PDZRN3: variants seen among roughly 807,000 people sequenced by gnomAD.
PDZRN3 encodes the protein PDZ domain containing ring finger 3.
In PDZRN3, 38 loss-of-function variants were observed where a neutral mutation model predicts 85.7. The observed-to-expected ratio is 0.44, with a 90% confidence interval of 0.34 to 0.58. PDZRN3 has a LOEUF of 0.58. Among genes scored for constraint, PDZRN3 ranks in the 20% least tolerant of loss-of-function variants. PDZRN3 has a pLI of 0.01. For synonymous variants in PDZRN3, 759 were observed against 638.0 expected (o/e 1.19, Z -2.86); for missense variants, 1,629 against 1,506.4 (o/e 1.08, Z -1.35).
At chr3:73,416,869 TTTTTTGG>T (rs1702093567) in intron 3 of PDZRN3, among the ~76,000 whole-genome samples, 1 of 73,188 alleles carries the variant, frequency 1.4e-5, no homozygotes, top group African/African-American at 5.3e-5. Context: ...TTGTTTGTTT[TTTTTTGG>T]TTTTTTTTTT....
chr3:73,559,543 C>T (rs1701773445), intron 3 of PDZRN3, among the ~76,000 whole-genome samples: 1 of 152,156 alleles, frequency 6.6e-6, no homozygotes, highest in African/African-American at 2.4e-5. Flanking sequence ...TGCTAATCTC[C>T]CTCTTGCACA....
At chr3:73,422,428 C>G (rs937620085) in intron 3 of PDZRN3, among the ~76,000 whole-genome samples, 1 of 152,142 alleles carries the variant, frequency 6.6e-6, no homozygotes, top group African/African-American at 2.4e-5. Flanking sequence ...TTGGATATAA[C>G]TCATGCATTT....
At chr3:73,512,079 C>T (rs1289323686) in intron 3 of PDZRN3, among the ~76,000 whole-genome samples, 3 of 152,230 alleles carry the variant, frequency 2.0e-5, no homozygotes, top group African/African-American at 7.2e-5. Flanking sequence ...AACAGCTCAG[C>T]ATACACACAC....
chr3:73,391,628 C>G (rs545988982), intron 5 of PDZRN3, among the ~76,000 whole-genome samples: 4 of 152,336 alleles, frequency 2.6e-5, no homozygotes, highest in African/African-American at 9.6e-5. Context: ...TTCTCCACAA[C>G]AGCTGTGATA....
chr3:73,575,415 A>G (rs553393318), intron 3 of PDZRN3, among the ~76,000 whole-genome samples: 201 of 151,902 alleles, frequency 1.3e-3, no homozygotes, highest in Non-Finnish European at 2.7e-3. Flanking sequence ...ACCACACAAG[A>G]AGAAGTTGCT....
At chr3:73,439,226 C>T (rs1166982474) in intron 3 of PDZRN3, among the ~76,000 whole-genome samples, 1 of 152,208 alleles carries the variant, frequency 6.6e-6, no homozygotes, top group Non-Finnish European at 1.5e-5. Flanking sequence ...AATTCAGCAT[C>T]AGATACATAC....
chr3:73,449,625 C>T (rs3863972), intron 3 of PDZRN3, among the ~76,000 whole-genome samples: 119,221 of 152,122 alleles, frequency 0.78, 46,934 homozygotes, highest in East Asian at 0.91. Context: ...GCGAACAACG[C>T]GTGTAAAATT....
intron 3 of PDZRN3, among the ~76,000 whole-genome samples, chr3:73,442,947 T>A (rs1015468116): frequency 2.0e-5 from 3 of 152,050 alleles, no homozygotes; most frequent in African/African-American, 7.2e-5. Context: ...TGGTATAAGA[T>A]CAGAGGCAGA....
chr3:73,418,075 C>T (rs187170361), intron 3 of PDZRN3, among the ~76,000 whole-genome samples: 1 of 152,306 alleles, frequency 6.6e-6, no homozygotes. Context: ...ATAATAATGA[C>T]ATCCTAAGAT....
intron 3 of PDZRN3, among the ~76,000 whole-genome samples, chr3:73,494,583 C>T (rs778039908): frequency 6.6e-5 from 10 of 152,036 alleles, no homozygotes; most frequent in Non-Finnish European, 1.0e-4. Context: ...AGAGTATTTG[C>T]CAAAAATAAG....
chr3:73,394,357 G>C (rs1701593250), intron 5 of PDZRN3, among the ~76,000 whole-genome samples: 1 of 152,110 alleles, frequency 6.6e-6, no homozygotes, highest in Non-Finnish European at 1.5e-5. Flanking sequence ...ATGGCGTAGA[G>C]CCCAATGCTG....
At chr3:73,611,099 T>TA (rs1352598552) in intron 1 of PDZRN3, among the ~76,000 whole-genome samples, 4 of 152,216 alleles carry the variant, frequency 2.6e-5, no homozygotes, top group Non-Finnish European at 4.4e-5. Flanking sequence ...ATTACACTTC[T>TA]ATACTACTCT....
At position 73,382,758 on chromosome 3, in the gene PDZRN3, C is replaced by G. The variant is rs1044075615; in HGVS notation, c.*607G>C. The G allele has an allele frequency of 1.3e-5, 2 of 152,680 alleles. No individual in the cohort carries two copies. The highest frequency in any genetic ancestry group is 2.9e-5 in the Non-Finnish European group (2 of 68,066). 9.5% of individuals were successfully genotyped at this position (152,680 alleles called of 1,614,324 possible). On this transcript the variant is annotated 3_prime_UTR_variant, in exon 10 of 10. Coordinates refer to ENST00000263666, the MANE Select transcript of PDZRN3 (RefSeq NM_015009.3). Reference sequence around the variant, plus strand: ...TTTGCTTTCTGCTAAAACCTTTACACTCTCTTGGGAACCTTAACCAGGAAA... The same window carrying G: ...TTTGCTTTCTGCTAAAACCTTTACAGTCTCTTGGGAACCTTAACCAGGAAA...
At chr3:73,569,431 G>T in intron 3 of PDZRN3, 1 of 1,138,642 alleles carries the variant, frequency 8.8e-7, no homozygotes, top group Non-Finnish European at 1.1e-6. Flanking sequence ...TCTCTTCCAT[G>T]TCACGTTCTC....
Position 73,624,756 on chromosome 3 carries a change from C to G in PDZRN3, c.70G>C (p.Val24Leu), listed in dbSNP as rs1702943421. ...PDLKCALCHK[V>L]LEDPLTTPCG... is the part of the protein sequence containing the mutation. ...GGCGTGGTCAGCGGGTCCTCCAGGA[C>G]CTTGTGGCACAGCGCGCACTTCAGG... The change falls in exon 1 of 10, where the codon GTC becomes CTC. Residue 24 changes from valine (V) to leucine (L), a missense_variant. Transcript: ENST00000263666. The G allele has an allele frequency of 6.7e-7, 1 of 1,496,958 alleles. No homozygotes were observed. Among genetic ancestry groups the G allele is most frequent in the South Asian group, 1.3e-5 (1 of 77,648 alleles). 92.7% of individuals were successfully genotyped at this position (1,496,958 alleles called of 1,614,324 possible).
intron 3 of PDZRN3, among the ~76,000 whole-genome samples, chr3:73,424,907 C>T (rs139523097): frequency 6.6e-6 from 1 of 152,256 alleles, no homozygotes; most frequent in Non-Finnish European, 1.5e-5. Flanking sequence ...TGAAGCAACA[C>T]GAACTTCTCT....
Position 73,608,597 on chromosome 3 carries a change from C to A in PDZRN3, c.810+1G>T. The A allele has an allele frequency of 6.3e-7, 1 of 1,596,398 alleles. No homozygotes were observed. Among genetic ancestry groups the A allele is most frequent in the Non-Finnish European group, 8.6e-7 (1 of 1,164,460 alleles). Reference sequence around the variant, plus strand: ...AAAACACATTTTAGTAATTAACATACCACACTCGGCCGGCCACCAATAATA... The same window carrying A: ...AAAACACATTTTAGTAATTAACATAACACACTCGGCCGGCCACCAATAATA... On this transcript the variant is annotated splice_donor_variant, in intron 2 of 9. Transcript: ENST00000263666. LOFTEE classifies it high-confidence loss of function.
At position 73,389,822 on chromosome 3, in the gene PDZRN3, A is replaced by G. The variant is rs769847302; in HGVS notation, c.1410T>C (p.Ile470=). The G allele has an allele frequency of 2.1e-5, 34 of 1,611,900 alleles. No individual in the cohort carries two copies. The East Asian group carries it at 7.4e-4, about 35-fold the overall frequency. Residue 470 remains isoleucine, a synonymous_variant, in exon 7 of 10, where the codon ATT becomes ATC. Coordinates refer to ENST00000263666, the MANE Select transcript of PDZRN3 (RefSeq NM_015009.3). The part of the protein sequence containing the change: ...KDGRIREGDR[I]IQINGIEVQN... ...TGTTTGGAAGTGGACTTACCTGGAT[A>G]ATGCGGTCTCCTTCTCGGATGCGCC...
intron 3 of PDZRN3, among the ~76,000 whole-genome samples, chr3:73,538,677 C>G (rs1704846620): frequency 6.6e-6 from 1 of 152,174 alleles, no homozygotes; most frequent in African/African-American, 2.4e-5. Flanking sequence ...CAATATAGAG[C>G]ACTTAAGAGT....
Sources: allele counts gnomAD v4.1 joint callset (sites outside exome capture counted in the v4.1 genomes callset), GRCh38; gene constraint gnomAD v4.1.1; transcripts MANE v1.5; gene names NCBI Gene and HGNC (gene_info 2026-07-23, HGNC 2026-07-21).